The following SCAF8 variants were observed in gnomAD, a reference collection of about 807,000 sequenced individuals.
SCAF8 encodes SR-related CTD associated factor 8.
A neutral mutation model predicts 140.5 loss-of-function variants in SCAF8; 23 were observed. The observed-to-expected ratio is 0.16, with a 90% CI of 0.12 to 0.23. SCAF8 has a LOEUF of 0.23. Ranked by LOEUF, SCAF8 falls within the 10% of genes least tolerant of loss-of-function variation. The probability of loss-of-function intolerance (pLI) is 1.00; values close to 1 mark genes in which losing one functional copy is unlikely to be tolerated. For missense variants in SCAF8, 1,397 were observed against 1,555.7 expected (o/e 0.90, Z 1.72); for synonymous variants, 575 against 528.9 (o/e 1.09, Z -1.20).
intron 14 of SCAF8, 73 bp downstream of exon 14, chr6:154,818,665 T>A: frequency 1.5e-6 from 1 of 647,128 alleles, no homozygotes; most frequent in Non-Finnish European, 2.7e-6. Context: ...AAGTCTGAGT[T>A]TTTCACAAGA....
chr6:154,825,557 C>T (rs929433406), intron 17 of SCAF8, among the ~76,000 whole-genome samples: 1 of 147,752 alleles, frequency 6.8e-6, no homozygotes, highest in African/African-American at 2.5e-5. Context: ...CCTGTAGTCC[C>T]AGCTACTCAG....
At chr6:154,739,311 G>A (rs928564612) in intron 1 of SCAF8, among the ~76,000 whole-genome samples, 3 of 151,964 alleles carry the variant, frequency 2.0e-5, no homozygotes, top group African/African-American at 7.3e-5. Flanking sequence ...TAAATTTTAA[G>A]TACTTTAAAA....
At chr6:154,742,209 T>C (rs374777234) in intron 1 of SCAF8, among the ~76,000 whole-genome samples, 1 of 152,278 alleles carries the variant, frequency 6.6e-6, no homozygotes, top group African/African-American at 2.4e-5. Flanking sequence ...AAAAGGTTAA[T>C]TGGAGAAAAA....
intron 1 of SCAF8, among the ~76,000 whole-genome samples, chr6:154,759,869 G>A (rs1438902751): frequency 1.3e-5 from 2 of 151,958 alleles, no homozygotes; most frequent in African/African-American, 4.8e-5. Flanking sequence ...GGGTTTCACC[G>A]TGATCAAGCC....
intron 1 of SCAF8, among the ~76,000 whole-genome samples, chr6:154,773,163 A>G (rs1031181398): frequency 6.6e-6 from 1 of 152,212 alleles, no homozygotes; most frequent in African/African-American, 2.4e-5. Flanking sequence ...ATCACGTTCC[A>G]TTTTAAACTA....
chr6:154,810,217 C>T lies in SCAF8; in HGVS notation c.1420+9C>T. On this transcript the variant is annotated intron_variant, in intron 12 of 19. Coordinates refer to ENST00000367178, the MANE Select transcript of SCAF8 (RefSeq NM_014892.5). ...ATCTAAAACACTAAGTGGTAAGTAACATATATCTGCAACGCTTTGGTTTCA... is the reference window on the plus strand; with the variant it reads ...ATCTAAAACACTAAGTGGTAAGTAATATATATCTGCAACGCTTTGGTTTCA... 1 of 1,561,282 alleles carries T rather than the reference C, an allele frequency of 6.4e-7. No homozygotes were observed. The highest frequency in any genetic ancestry group is 8.7e-7 in the Non-Finnish European group (1 of 1,148,596).
At chr6:154,743,274 C>T (rs1242412012) in intron 1 of SCAF8, among the ~76,000 whole-genome samples, 1 of 152,274 alleles carries the variant, frequency 6.6e-6, no homozygotes, top group African/African-American at 2.4e-5. Context: ...ATATGACTAG[C>T]TACATTGTTT....
intron 14 of SCAF8, among the ~76,000 whole-genome samples, chr6:154,819,083 G>GTT (rs5881106): frequency 2.4e-4 from 37 of 151,758 alleles, no homozygotes; most frequent in African/African-American, 7.7e-4. Flanking sequence ...TATACTGAGA[G>GTT]TTTTTTTAAT....
intron 3 of SCAF8, among the ~76,000 whole-genome samples, chr6:154,779,773 GTGTGTGTGTATATATA>G (rs897893695): frequency 4.7e-4 from 43 of 91,628 alleles, no homozygotes; most frequent in African/African-American, 2.4e-3. Context: ...GTGTGTGTGT[GTGTGTGTGTATATATA>G]TATATATATA....
chr6:154,742,056 G>T, intron 1 of SCAF8: 1 of 1,373,518 alleles, frequency 7.3e-7, no homozygotes, highest in South Asian at 1.2e-5. Flanking sequence ...AGGCCCTTTG[G>T]AATATGTTAG....
At chr6:154,745,062 A>G (rs1399556934) in intron 1 of SCAF8, among the ~76,000 whole-genome samples, 1 of 152,220 alleles carries the variant, frequency 6.6e-6, no homozygotes, top group Non-Finnish European at 1.5e-5. Flanking sequence ...AGATTTCACT[A>G]ATCATACCAA....
At chr6:154,807,771 T>C (rs1010920495) in intron 9 of SCAF8, among the ~76,000 whole-genome samples, 2 of 152,246 alleles carry the variant, frequency 1.3e-5, no homozygotes, top group Non-Finnish European at 2.9e-5. Context: ...TTTCATGCTA[T>C]AATTTATTTA....
In SCAF8 at chr6:154,733,433, C is replaced by T. The variant is rs1364702933; in HGVS notation, c.-468C>T. 21 of 1,400,312 alleles carry T rather than the reference C, an allele frequency of 1.5e-5. No individual in the cohort carries two copies. The highest frequency in any genetic ancestry group is 2.0e-4 in the Middle Eastern group (1 of 4,914). 86.7% of individuals were successfully genotyped at this position (1,400,312 alleles called of 1,614,324 possible). A position where few individuals can be genotyped will look rare whatever the true frequency, so the allele number is the denominator to read the frequency against. The stretch of plus-strand genomic sequence containing the variant: ...AGTCCGCCATATTGGATGCCGCAGC[C>T]GCTGCTGCCAGCGCTTCCTCCTCTG... On this transcript the variant is annotated 5_prime_UTR_variant, in exon 1 of 20. Coordinates refer to ENST00000367178, the MANE Select transcript of SCAF8 (RefSeq NM_014892.5).
Position 154,832,364 on chromosome 6 carries a change from G to C in SCAF8, c.2785G>C (p.Gly929Arg). 6.2e-7 allele frequency: 1 copy of C among 1,613,858 alleles called. No homozygotes were observed. Among genetic ancestry groups the C allele is most frequent in the Non-Finnish European group, 8.5e-7 (1 of 1,179,990 alleles). Residue 929 changes from glycine (G) to arginine (R), a missense_variant, in exon 20 of 20, where the codon GGA becomes CGA. By Grantham distance (125) the Gly-to-Arg change is moderately radical. Around this residue, in one of 5 missense-constraint regions of SCAF8, gnomAD observed 930 missense variants for 874.6 expected, o/e 1.06. Coordinates refer to ENST00000367178, the MANE Select transcript of SCAF8 (RefSeq NM_014892.5). Reference sequence around the variant, plus strand: ...AATGCCAATGTTAGACATTCGTCCGGGACTAATACCACAGGCACCTGGGCC... The same window carrying C: ...AATGCCAATGTTAGACATTCGTCCGCGACTAATACCACAGGCACCTGGGCC... ...PTMPMLDIRPGLIPQAPGPRF... is the reference protein window; with the variant it reads ...PTMPMLDIRPRLIPQAPGPRF...
In SCAF8 at chr6:154,808,672, T is replaced by C; in HGVS notation, c.1114-14T>C. 6.5e-7 allele frequency: 1 copy of C among 1,531,122 alleles called. No homozygotes were observed. Among genetic ancestry groups the C allele is most frequent in the Non-Finnish European group, 9.1e-7 (1 of 1,104,550 alleles). The allele number at this position is 1,531,122 out of a possible 1,614,324, so 94.8% of individuals were successfully genotyped here. ...CAGCCTTTCTGTTTGTTTGCTGTTCTTTTGACTTTCAAGGATATGGATATA... is the reference window on the plus strand; with the variant it reads ...CAGCCTTTCTGTTTGTTTGCTGTTCCTTTGACTTTCAAGGATATGGATATA... On this transcript the variant is annotated splice_polypyrimidine_tract_variant and intron_variant, in intron 10 of 19. Coordinates refer to ENST00000367178, the MANE Select transcript of SCAF8 (RefSeq NM_014892.5).
chr6:154,761,796 A>G (rs960899688), intron 1 of SCAF8, among the ~76,000 whole-genome samples: 20 of 152,126 alleles, frequency 1.3e-4, no homozygotes, highest in African/African-American at 4.6e-4. Flanking sequence ...TTTTATTTTA[A>G]GGGACTATAA....
At chr6:154,818,134 A>G (rs142593959) in intron 13 of SCAF8, among the ~76,000 whole-genome samples, 14 of 152,310 alleles carry the variant, frequency 9.2e-5, no homozygotes, top group Non-Finnish European at 1.8e-4. Context: ...CTTTCCTTTT[A>G]TCTGGTGGTA....
chr6:154,802,119 C>T lies in SCAF8; in HGVS notation c.755C>T (p.Pro252Leu). The T allele has an allele frequency of 3.7e-6, 6 of 1,604,410 alleles. No individual in the cohort carries two copies. The highest frequency in any genetic ancestry group is 5.1e-6 in the Non-Finnish European group (6 of 1,176,314). ...GCTGCAGCTGCCAACACTCTTACTCCCTTAGAACAGGGAGTCTCCTTTAAC... is the reference window on the plus strand; with the variant it reads ...GCTGCAGCTGCCAACACTCTTACTCTCTTAGAACAGGGAGTCTCCTTTAAC... ...AAAAAANTLT[P>L]LEQGVSFNKK... is the part of the protein sequence containing the mutation. Residue 252 changes from proline (P) to leucine (L), a missense_variant, in exon 7 of 20, where the codon CCC becomes CTC. Pro to Leu is a moderately conservative substitution (Grantham distance 98). Around this residue, in one of 5 missense-constraint regions of SCAF8, gnomAD observed 339 missense variants for 407.5 expected, o/e 0.83. Coordinates refer to ENST00000367178, the MANE Select transcript of SCAF8 (RefSeq NM_014892.5).
intron 7 of SCAF8, among the ~76,000 whole-genome samples, chr6:154,802,872 A>G (rs1777809608): frequency 6.6e-6 from 1 of 152,182 alleles, no homozygotes; most frequent in Admixed American, 6.5e-5. Context: ...TAGTCACTAT[A>G]CTGTAACTAT....
Sources: gnomAD v4.1 joint callset for allele counts (sites outside exome capture counted in the v4.1 genomes callset) on GRCh38, gnomAD v4.1.1 for gene constraint, gnomAD v4.1.1 regional missense constraint, MANE v1.5 for transcripts, NCBI Gene and HGNC (gene_info 2026-07-23, HGNC 2026-07-21) for gene names.